The following ADGRE5 variants were observed in gnomAD, a reference collection of about 807,000 sequenced individuals.
ADGRE5 encodes CD97 molecule.
In ADGRE5, 72 loss-of-function variants were observed where a neutral mutation model predicts 100.3. The observed-to-expected ratio is 0.72, with a 90% CI of 0.59 to 0.87. ADGRE5 has a LOEUF of 0.87. ADGRE5 is among the 40% of genes least tolerant of loss of function. The pLI is 0.00. For synonymous variants in ADGRE5, 439 were observed against 447.8 expected, an observed-to-expected ratio of 0.98 and a Z score of 0.25; for missense variants, 959 against 1,094.7, an observed-to-expected ratio of 0.88 and a Z score of 1.75.
At chr19:14,382,812 C>A (rs989044524) in intron 1 of ADGRE5, among the ~76,000 whole-genome samples, 1 of 151,720 alleles carries the variant, frequency 6.6e-6, no homozygotes, top group East Asian at 2.0e-4. Flanking sequence ...TGGGTTCAAG[C>A]GATTCTCCTG....
rs1366562556 is a variant in ADGRE5 at position 14,406,193 on chromosome 19, A to G, written c.1822-138A>G. The G allele has an allele frequency of 2.6e-6, 2 of 762,274 alleles. No individual in the cohort carries two copies. The highest frequency in any genetic ancestry group is 4.1e-6 in the Non-Finnish European group (2 of 486,302). 47.2% of individuals were successfully genotyped at this position (762,274 alleles called of 1,614,324 possible). ...TGTTGGGGGTGGGCCCTGGGGGGAA[A>G]CCTGGCCCCCGCTCCAGACCCGCCC... On this transcript the variant is annotated intron_variant, in intron 14 of 19. Transcript: ENST00000242786. This position sits in a 1 kb window ranked among gnomAD's most constrained non-coding sequence, Gnocchi z 6.0.
At chr19:14,396,496 G>A (rs748248077) in intron 5 of ADGRE5, 23 bp downstream of exon 5, 19 of 1,613,836 alleles carry the variant, frequency 1.2e-5, no homozygotes, top group Middle Eastern at 1.6e-4. Context: ...GGAAGACGCC[G>A]TGAGGCTGGA....
At chr19:14,395,824 G>T (rs1393683165) in intron 4 of ADGRE5, among the ~76,000 whole-genome samples, 1 of 152,200 alleles carries the variant, frequency 6.6e-6, no homozygotes, top group Non-Finnish European at 1.5e-5. Context: ...GCATCGCGGG[G>T]GCACTGGCTT....
At chr19:14,393,917 CA>C (rs1975687516) in intron 4 of ADGRE5, among the ~76,000 whole-genome samples, 1 of 152,142 alleles carries the variant, frequency 6.6e-6, no homozygotes. Context: ...ATACATTTGA[CA>C]AACAAAAAGT....
At chr19:14,398,310 AC>A (rs1443335268) in intron 9 of ADGRE5, 171 bp downstream of exon 9, 12 of 630,360 alleles carry the variant, frequency 1.9e-5, no homozygotes, top group Non-Finnish European at 3.2e-5. Flanking sequence ...ACACCCGGAC[AC>A]GTGAAGACAC....
chr19:14,389,876 CT>C (rs977614977), intron 3 of ADGRE5, among the ~76,000 whole-genome samples: 5 of 151,994 alleles, frequency 3.3e-5, no homozygotes, highest in Non-Finnish European at 5.9e-5. Context: ...CGAGACCAGC[CT>C]GACCAACATG....
Position 14,381,572 on chromosome 19 carries a change from G to A in ADGRE5, c.22+27G>A, listed in dbSNP as rs1975156377. Reference sequence around the variant, plus strand: ...TAAGTACTTTGGGGCCCCGCTGGGAGGGGCGAGGAAGCTCCAGCGGGACCC... The same window carrying A: ...TAAGTACTTTGGGGCCCCGCTGGGAAGGGCGAGGAAGCTCCAGCGGGACCC... On this transcript the variant is annotated intron_variant, in intron 1 of 19. Coordinates refer to ENST00000242786, the MANE Select transcript of ADGRE5 (RefSeq NM_078481.4). 5.6e-6 allele frequency: 9 copies of A among 1,596,022 alleles called. No homozygotes were observed. In the East Asian group the frequency reaches 2.0e-4, roughly 36 times the overall value.
chr19:14,405,679 A>T, intron 13 of ADGRE5, 69 bp from the exon 14 acceptor site: 1 of 1,178,972 alleles, frequency 8.5e-7, no homozygotes, highest in Admixed American at 2.0e-5. Flanking sequence ...GGGGGGGAAA[A>T]GGGACCACAA....
chr19:14,392,902 CA>C (rs111576526), intron 4 of ADGRE5, among the ~76,000 whole-genome samples: 6,643 of 102,038 alleles, frequency 0.065, 440 homozygotes, highest in African/African-American at 0.2. Flanking sequence ...GACTCCATTT[CA>C]AAAAAAAAAA....
chr19:14,399,562 T>G lies in ADGRE5; in HGVS notation c.897+1423T>G, dbSNP rs1375784832. Among the ~76,000 whole-genome samples the G allele has an allele frequency of 4.6e-4, 10 of 21,964 alleles. No individual in the cohort carries two copies. The Admixed American group carries it at 7.7e-3, about 17-fold the overall frequency. 14.4% of individuals were successfully genotyped at this position (21,964 alleles called of 152,430 possible). ...CTGGGCGACAGAGCGAGACTCCGTC[T>G]CAAAAAAAAAAAAAAAAAAAAAAAA... On this transcript the variant is annotated intron_variant, in intron 9 of 19. Transcript: ENST00000242786.
In ADGRE5 at chr19:14,401,320, T is replaced by C. The variant is rs1975999624; in HGVS notation, c.898-66T>C. Reference sequence around the variant, plus strand: ...GTGTGTCCCCTGGTAGGGGGTGACATCCAGGTCCTTCAGGCAACCCCTGTG... The same window carrying C: ...GTGTGTCCCCTGGTAGGGGGTGACACCCAGGTCCTTCAGGCAACCCCTGTG... On this transcript the variant is annotated intron_variant, in intron 9 of 19. Transcript: ENST00000242786. This position sits in a 1 kb window ranked among gnomAD's most constrained non-coding sequence, Gnocchi z 4.1. 1 of 1,442,866 alleles carries C rather than the reference T, an allele frequency of 6.9e-7. No individual in the cohort carries two copies. Among genetic ancestry groups the C allele is most frequent in the Non-Finnish European group, 9.5e-7 (1 of 1,052,074 alleles). The allele number at this position is 1,442,866 out of a possible 1,614,324, so 89.4% of individuals were successfully genotyped here.
Position 14,405,948 on chromosome 19 carries a change from C to T in ADGRE5, c.1821+9C>T. On this transcript the variant is annotated intron_variant, in intron 14 of 19. Transcript: ENST00000242786. Reference sequence around the variant, plus strand: ...AGAACGAAGGCGGCCAGGTGAGGTCCCGCCCCGCTCCCTCCTGAGCTCTGG... The same window carrying T: ...AGAACGAAGGCGGCCAGGTGAGGTCTCGCCCCGCTCCCTCCTGAGCTCTGG... The T allele has an allele frequency of 1.2e-6, 2 of 1,601,094 alleles. No individual in the cohort carries two copies. The highest frequency in any genetic ancestry group is 1.7e-6 in the Non-Finnish European group (2 of 1,178,260).
At chr19:14,393,114 T>C (rs190565326) in intron 4 of ADGRE5, among the ~76,000 whole-genome samples, 1 of 151,018 alleles carries the variant, frequency 6.6e-6, no homozygotes. Context: ...GTCAGGAGAA[T>C]GGCGTGAACC....
At chr19:14,392,918 A>G (rs918191557) in intron 4 of ADGRE5, among the ~76,000 whole-genome samples, 27 of 145,510 alleles carry the variant, frequency 1.9e-4, no homozygotes, top group African/African-American at 6.8e-4. Context: ...AAAAAAAAAA[A>G]TGGCTAGGCG....
chr19:14,407,971 A>C lies in ADGRE5; in HGVS notation c.2440A>C (p.Thr814Pro), dbSNP rs778751632. 1.9e-6 allele frequency: 3 copies of C among 1,613,778 alleles called. No homozygotes were observed. In the South Asian group the frequency reaches 3.3e-5, roughly 18 times the overall value. The change falls in exon 19 of 20, where the codon ACC (threonine) becomes CCC (proline). Residue 814 changes from threonine (T) to proline (P), a missense_variant. Thr to Pro is a conservative substitution (Grantham distance 38). Transcript: ENST00000242786. Reference protein sequence around the residue: ...VAGGSKYSEFTSTTSGTGHNQ... With the variant: ...VAGGSKYSEFPSTTSGTGHNQ... The stretch of plus-strand genomic sequence containing the variant: ...TGGGGGGAGCAAGTACTCAGAATTC[A>C]CCTCCACCACGTCTGGCACTGGCCA...
Position 14,401,616 on chromosome 19 carries a change from C to G in ADGRE5, c.1076-37C>G, listed in dbSNP as rs951409320. On this transcript the variant is annotated intron_variant, in intron 10 of 19. Coordinates refer to ENST00000242786, the MANE Select transcript of ADGRE5 (RefSeq NM_078481.4). The surrounding 1 kb of genome is among the most constrained non-coding windows in gnomAD (Gnocchi z 4.1). ...CCCAACCCTGGGCCCCACCTGGTAC[C>G]TGGGGTCCCTAATCACAACTGCCCC... 6.2e-7 allele frequency: 1 copy of G among 1,602,520 alleles called. No homozygotes were observed. Among genetic ancestry groups the G allele is most frequent in the African/African-American group, 1.3e-5 (1 of 74,608 alleles).
chr19:14,397,167 C>G lies in ADGRE5; in HGVS notation c.569C>G (p.Pro190Arg), dbSNP rs568383810. Residue 190 changes from proline to arginine, a missense_variant, in exon 6 of 20, where the codon CCG (proline) becomes CGG (arginine). Around this residue, in one of 6 missense-constraint regions of ADGRE5, gnomAD observed 83 missense variants for 88.8 expected, o/e 0.93. Transcript: ENST00000242786. ...NVGSYQCRCRPGWQPIPGSPN... is the reference protein window; with the variant it reads ...NVGSYQCRCRRGWQPIPGSPN... Reference sequence around the variant, plus strand: ...GGCAGCTATCAGTGCCGCTGCCGCCCGGGCTGGCAACCGATTCCGGGGTCC... The same window carrying G: ...GGCAGCTATCAGTGCCGCTGCCGCCGGGGCTGGCAACCGATTCCGGGGTCC... 2 of 1,614,112 alleles carry G rather than the reference C, an allele frequency of 1.2e-6. No individual in the cohort carries two copies. The highest frequency in any genetic ancestry group is 3.3e-5 in the Admixed American group (2 of 60,004).
At position 14,399,015 on chromosome 19, in the gene ADGRE5, T is replaced by A. The variant is rs575623446; in HGVS notation, c.897+876T>A. Among the ~76,000 whole-genome samples the A allele has an allele frequency of 1.4e-3, 212 of 151,480 alleles. 1 individual carries two copies. The highest frequency in any genetic ancestry group is 5.0e-3 in the African/African-American group (205 of 41,354). On this transcript the variant is annotated intron_variant, in intron 9 of 19. Coordinates refer to ENST00000242786, the MANE Select transcript of ADGRE5 (RefSeq NM_078481.4). The stretch of plus-strand genomic sequence containing the variant: ...TACCACCATGCCTGGCTTATTTATT[T>A]ATTTAATATATTTATAGATGGGGGT...
At chr19:14,384,692 ATCTCTCTG>A (rs1313488608) in intron 1 of ADGRE5, among the ~76,000 whole-genome samples, 1 of 146,422 alleles carries the variant, frequency 6.8e-6, no homozygotes, top group African/African-American at 2.5e-5. Flanking sequence ...CTCACTGTTT[ATCTCTCTG>A]TCTCTCTGTT....
Sources: gnomAD v4.1 joint callset for allele counts (sites outside exome capture counted in the v4.1 genomes callset) on GRCh38, gnomAD v4.1.1 for gene constraint, gnomAD v4.1.1 regional missense constraint, Gnocchi (gnomAD v3.1) non-coding constraint, MANE v1.5 for transcripts, NCBI Gene and HGNC (gene_info 2026-07-23, HGNC 2026-07-21) for gene names.